The following TMPRSS11D variants were observed in gnomAD, a reference collection of about 807,000 sequenced individuals.
The protein encoded by TMPRSS11D is transmembrane protease serine 11D.
Under a neutral mutation model 44.4 loss-of-function variants are expected in TMPRSS11D, and 32 were observed. That is an observed-to-expected ratio of 0.72 (90% CI 0.54 to 0.97). TMPRSS11D has a LOEUF of 0.97. Ranked by LOEUF, TMPRSS11D falls within the 50% of genes least tolerant of loss-of-function variation. TMPRSS11D has a pLI of 0.00. For missense variants in TMPRSS11D, 446 were observed against 502.6 expected, an observed-to-expected ratio of 0.89 and a Z score of 1.08; for synonymous variants, 179 against 177.9, an observed-to-expected ratio of 1.01 and a Z score of -0.05.
chr4:67,846,682 T>C (rs1431834750), intron 3 of TMPRSS11D, among the ~76,000 whole-genome samples: 1 of 152,200 alleles, frequency 6.6e-6, no homozygotes, highest in Non-Finnish European at 1.5e-5. Flanking sequence ...AAAGGTGTTG[T>C]GTTTTATATA....
intron 1 of TMPRSS11D, among the ~76,000 whole-genome samples, chr4:67,876,865 A>T (rs1445418252): frequency 6.6e-6 from 1 of 152,194 alleles, no homozygotes; most frequent in East Asian, 1.9e-4. Flanking sequence ...CTTCCCTTGA[A>T]GTACTCATGT....
At chr4:67,883,894 T>G in intron 1 of TMPRSS11D, 32 bp downstream of exon 1, 1 of 1,579,146 alleles carries the variant, frequency 6.3e-7, no homozygotes, top group African/African-American at 1.4e-5. Flanking sequence ...TAGTAAAACT[T>G]TTAAAGCTAC....
intron 3 of TMPRSS11D, among the ~76,000 whole-genome samples, chr4:67,852,111 C>T (rs4860861): frequency 0.62 from 93,760 of 152,088 alleles, 29,491 homozygotes; most frequent in East Asian, 0.89. Context: ...ATGCTGCTTC[C>T]TTCTCTTCCT....
At chr4:67,829,417 T>A in intron 7 of TMPRSS11D, among the ~76,000 whole-genome samples, 1 of 146,802 alleles carries the variant, frequency 6.8e-6, no homozygotes. Flanking sequence ...CCTATATACA[T>A]AGGGGGAGAC....
intron 1 of TMPRSS11D, among the ~76,000 whole-genome samples, chr4:67,861,081 A>C (rs1029380434): frequency 7.4e-5 from 10 of 134,638 alleles, no homozygotes; most frequent in African/African-American, 2.7e-4. Flanking sequence ...ACTTTTAAAA[A>C]GAGCATTTAA....
chr4:67,861,555 C>T (rs1016657845), intron 1 of TMPRSS11D, among the ~76,000 whole-genome samples: 3 of 151,882 alleles, frequency 2.0e-5, no homozygotes, highest in Admixed American at 6.6e-5. Context: ...GATCTGTAAG[C>T]GTGGAGTGAG....
At chr4:67,848,029 C>A (rs1274418102) in intron 3 of TMPRSS11D, among the ~76,000 whole-genome samples, 1 of 152,100 alleles carries the variant, frequency 6.6e-6, no homozygotes, top group Non-Finnish European at 1.5e-5. Flanking sequence ...AATGGATGTG[C>A]CTGAAAGGAA....
chr4:67,867,086 A>G (rs1037975085), intron 1 of TMPRSS11D, among the ~76,000 whole-genome samples: 1 of 152,144 alleles, frequency 6.6e-6, no homozygotes, highest in African/African-American at 2.4e-5. Flanking sequence ...AAATTATACT[A>G]CAAAGCTATA....
intron 3 of TMPRSS11D, among the ~76,000 whole-genome samples, chr4:67,849,244 G>T (rs934958055): frequency 6.6e-6 from 1 of 152,186 alleles, no homozygotes; most frequent in Admixed American, 6.6e-5. Context: ...CTAGGATGGT[G>T]TGGGGACATC....
Position 67,842,614 on chromosome 4 carries a change from T to C in TMPRSS11D, c.261A>G (p.Thr87=). The C allele has an allele frequency of 6.2e-7, 1 of 1,607,634 alleles. No homozygotes were observed. Among genetic ancestry groups the C allele is most frequent in the Non-Finnish European group, 8.5e-7 (1 of 1,178,278 alleles). ...GATTTCTTAAATTTGATTCTTTGAATGTTTTAGTAATCTGTAGAAAGAAAG... is the reference window on the plus strand; with the variant it reads ...GATTTCTTAAATTTGATTCTTTGAACGTTTTAGTAATCTGTAGAAAGAAAG... The part of the protein sequence containing the change: ...SGRIESLITK[T]FKESNLRNQF... Residue 87 remains threonine, a synonymous_variant, in exon 4 of 10, where the codon ACA becomes ACG. Coordinates refer to ENST00000283916, the MANE Select transcript of TMPRSS11D (RefSeq NM_004262.3).
At chr4:67,856,876 GAA>G (rs1372089772) in intron 2 of TMPRSS11D, among the ~76,000 whole-genome samples, 1 of 152,048 alleles carries the variant, frequency 6.6e-6, no homozygotes, top group Non-Finnish European at 1.5e-5. Context: ...ACAGGTACAT[GAA>G]AAAATGCTCA....
In TMPRSS11D at chr4:67,873,701, G is replaced by A. The variant is rs139440839; in HGVS notation, c.8+10225C>T. Among the ~76,000 whole-genome samples the A allele has an allele frequency of 3.1e-3, 475 of 152,206 alleles. 4 individuals are homozygous for A. Among genetic ancestry groups the A allele is most frequent in the Middle Eastern group, 3.4e-3 (1 of 294 alleles). ...TAATCTGGGTTGGACCTGAGTCTGC[G>A]TTTCCAACAAGCTCCCAGGTGATGT... On this transcript the variant is annotated intron_variant, in intron 1 of 9. Transcript: ENST00000283916.
At chr4:67,869,640 T>C (rs1444355590) in intron 1 of TMPRSS11D, among the ~76,000 whole-genome samples, 1 of 152,176 alleles carries the variant, frequency 6.6e-6, no homozygotes, top group Non-Finnish European at 1.5e-5. Context: ...GAAGGAAATA[T>C]GAAATTTGGT....
rs888439076 is a variant in TMPRSS11D at position 67,825,657 on chromosome 4, A to G, written c.1095+75T>C. On this transcript the variant is annotated intron_variant, in intron 9 of 9. Coordinates refer to ENST00000283916, the MANE Select transcript of TMPRSS11D (RefSeq NM_004262.3). ...TATTGTAACTGTTACACTTATGTCT[A>G]TCACATTATCACATACTAGGAAGTG... is the stretch of plus-strand genomic sequence containing the variant. The G allele has an allele frequency of 2.7e-6, 4 of 1,499,106 alleles. No individual in the cohort carries two copies. The African/African-American group carries it at 5.5e-5, about 21-fold the overall frequency. The allele number at this position is 1,499,106 out of a possible 1,614,324, so 92.9% of individuals were successfully genotyped here. A position where few individuals can be genotyped will look rare whatever the true frequency, so the allele number is the denominator to read the frequency against.
chr4:67,870,417 AACACTCTT>A (rs1560549343), intron 1 of TMPRSS11D, among the ~76,000 whole-genome samples: 1 of 152,146 alleles, frequency 6.6e-6, no homozygotes, highest in Non-Finnish European at 1.5e-5. Flanking sequence ...GTCTGCCTGG[AACACTCTT>A]ACCTCAGGTT....
At chr4:67,846,089 T>TA (rs1205589678) in intron 3 of TMPRSS11D, among the ~76,000 whole-genome samples, 1 of 152,166 alleles carries the variant, frequency 6.6e-6, no homozygotes, top group African/African-American at 2.4e-5. Flanking sequence ...ACTCTTCTGT[T>TA]ACAACTTTCT....
At chr4:67,869,590 G>A (rs1036164926) in intron 1 of TMPRSS11D, among the ~76,000 whole-genome samples, 5 of 152,096 alleles carry the variant, frequency 3.3e-5, no homozygotes, top group African/African-American at 4.8e-5. Context: ...ATTTATGACC[G>A]AGGGAAAATG....
At position 67,838,200 on chromosome 4, in the gene TMPRSS11D, C is replaced by A. The variant is rs1718145544; in HGVS notation, c.447G>T (p.Leu149=). 1.3e-6 allele frequency: 2 copies of A among 1,575,710 alleles called. No individual in the cohort carries two copies. Among genetic ancestry groups the A allele is most frequent in the South Asian group, 1.2e-5 (1 of 83,428 alleles). Residue 149 remains leucine, a synonymous_variant, in exon 5 of 10, where the codon CTG becomes CTT. Transcript: ENST00000283916. ...TTATCTCAGTTGAAGGGTTTATTTC[C>A]AGGTTTCCAGAGTTATTCAGCATTT... ...LRQMLNNSGN[L]EINPSTEITS... is the part of the protein sequence containing the mutation.
In TMPRSS11D at chr4:67,875,326, T is replaced by C. The variant is rs557802497; in HGVS notation, c.8+8600A>G. 7.2e-5 allele frequency among the ~76,000 whole-genome samples: 11 copies of C among 152,260 alleles called. No homozygotes were observed. The East Asian group carries it at 1.5e-3, about 21-fold the overall frequency. ...GCTGCTCGACAGGAGGCAAATCCCTTCTTTGGATTTCAGTTTTCTTCCTTG... is the reference window on the plus strand; with the variant it reads ...GCTGCTCGACAGGAGGCAAATCCCTCCTTTGGATTTCAGTTTTCTTCCTTG... On this transcript the variant is annotated intron_variant, in intron 1 of 9. Transcript: ENST00000283916.
Sources: gnomAD v4.1 joint callset for allele counts (sites outside exome capture counted in the v4.1 genomes callset) on GRCh38, gnomAD v4.1.1 for gene constraint, MANE v1.5 for transcripts, NCBI Gene and HGNC (gene_info 2026-07-23, HGNC 2026-07-21) for gene names.